Variants in ADGRL2 observed in about 807,000 individuals in gnomAD.
ADGRL2 encodes the protein adhesion G protein-coupled receptor L2.
In ADGRL2, 44 loss-of-function variants were observed where a neutral mutation model predicts 157.4. The ratio of observed to expected loss-of-function variants is 0.28; its 90% confidence interval spans 0.22 to 0.36. The LOEUF (loss-of-function observed/expected upper bound fraction) is 0.36. Ranked by LOEUF, ADGRL2 falls within the 10% of genes least tolerant of loss-of-function variation. ADGRL2 has a pLI of 1.00. For missense variants in ADGRL2, 1,510 were observed against 1,768.9 expected (o/e 0.85, Z 2.63); for synonymous variants, 585 against 624.7 (o/e 0.94, Z 0.95).
chr1:81,605,720 G>A (rs1160851444), intron 3 of ADGRL2, among the ~76,000 whole-genome samples: 1 of 152,120 alleles, frequency 6.6e-6, no homozygotes, highest in Non-Finnish European at 1.5e-5. Context: ...ACACATCAAA[G>A]GCTGATTTAC....
At chr1:81,400,365 A>G (rs1226383427) in intron 1 of ADGRL2, among the ~76,000 whole-genome samples, 2 of 152,056 alleles carry the variant, frequency 1.3e-5, no homozygotes, top group East Asian at 3.9e-4. Context: ...TGTGGCAGAG[A>G]TGAATGTAGG....
intron 2 of ADGRL2, among the ~76,000 whole-genome samples, chr1:81,462,676 GTATTT>G (rs532230729): frequency 6.6e-6 from 1 of 152,106 alleles, no homozygotes; most frequent in Non-Finnish European, 1.5e-5. Context: ...GATTTTCCAA[GTATTT>G]TATTAAGTGT....
chr1:81,664,429 A>G (rs550613360), intron 3 of ADGRL2, among the ~76,000 whole-genome samples: 2 of 152,330 alleles, frequency 1.3e-5, no homozygotes, highest in East Asian at 3.9e-4. Flanking sequence ...TAGTTTCACC[A>G]TAATAGTGTT....
intron 2 of ADGRL2, among the ~76,000 whole-genome samples, chr1:81,527,741 C>G (rs2079497659): frequency 6.6e-6 from 1 of 151,530 alleles, no homozygotes; most frequent in African/African-American, 2.4e-5. Flanking sequence ...AGGGAGCTGC[C>G]TTGTCCTTTC....
intron 3 of ADGRL2, among the ~76,000 whole-genome samples, chr1:81,582,405 T>C (rs2080934844): frequency 6.6e-6 from 1 of 152,022 alleles, no homozygotes; most frequent in Non-Finnish European, 1.5e-5. Context: ...AATTTAATAA[T>C]AAGTAAAAAG....
chr1:81,547,432 A>G (rs976000144), intron 2 of ADGRL2, among the ~76,000 whole-genome samples: 2 of 152,154 alleles, frequency 1.3e-5, no homozygotes, highest in East Asian at 1.9e-4. Context: ...GGAATTGGTG[A>G]AAACTGGAGA....
At chr1:81,776,999 A>G (rs1254302957) in intron 2 of ADGRL2, among the ~76,000 whole-genome samples, 1 of 152,212 alleles carries the variant, frequency 6.6e-6, no homozygotes, top group Admixed American at 6.5e-5. Flanking sequence ...TATTATGCAT[A>G]CTACTCTGAT....
intron 2 of ADGRL2, among the ~76,000 whole-genome samples, chr1:81,483,543 A>C (rs563861765): frequency 6.6e-6 from 1 of 152,302 alleles, no homozygotes; most frequent in African/African-American, 2.4e-5. Flanking sequence ...ACACTACATA[A>C]AACCCAAAAC....
intron 2 of ADGRL2, among the ~76,000 whole-genome samples, chr1:81,783,249 G>C (rs539999848): frequency 9.5e-4 from 144 of 152,040 alleles, no homozygotes; most frequent in Non-Finnish European, 1.5e-3. Context: ...TCAGCCTTTT[G>C]AGTAGCTGGG....
intron 3 of ADGRL2, among the ~76,000 whole-genome samples, chr1:81,590,349 C>T (rs1199413550): frequency 1.3e-5 from 2 of 152,072 alleles, no homozygotes; most frequent in African/African-American, 4.8e-5. Context: ...CTATCTTGCC[C>T]TTTCACATAG....
chr1:81,779,808 C>T (rs1230076384), intron 2 of ADGRL2, among the ~76,000 whole-genome samples: 2 of 152,124 alleles, frequency 1.3e-5, no homozygotes, highest in Admixed American at 6.5e-5. Context: ...TTTTACCTAC[C>T]GGTTTCTGTC....
intron 3 of ADGRL2, among the ~76,000 whole-genome samples, chr1:81,589,278 G>T (rs1273563318): frequency 6.6e-6 from 1 of 151,976 alleles, no homozygotes; most frequent in African/African-American, 2.4e-5. Context: ...TATCCATATG[G>T]TCCACAAAGA....
chr1:81,533,949 G>A (rs2079668299), intron 2 of ADGRL2, among the ~76,000 whole-genome samples: 1 of 151,992 alleles, frequency 6.6e-6, no homozygotes, highest in African/African-American at 2.4e-5. Context: ...GAAAGCACCT[G>A]GGCTACGTTT....
chr1:81,898,314 C>G (rs1209721946), intron 2 of ADGRL2, among the ~76,000 whole-genome samples: 1 of 152,164 alleles, frequency 6.6e-6, no homozygotes, highest in Non-Finnish European at 1.5e-5. Context: ...ACAACATTTT[C>G]TAGGCCAGTG....
intron 1 of ADGRL2, among the ~76,000 whole-genome samples, chr1:81,707,944 C>T (rs2149063148): frequency 6.6e-6 from 1 of 152,182 alleles, no homozygotes; most frequent in East Asian, 1.9e-4. Flanking sequence ...TATGAATTAT[C>T]CATGTACCAC....
intron 2 of ADGRL2, chr1:81,502,988 A>G (rs985258709): frequency 8.1e-6 from 13 of 1,613,270 alleles, no homozygotes; most frequent in South Asian, 1.1e-5. Flanking sequence ...GCTGTGCCAA[A>G]TCGTCTGGCT....
At chr1:81,460,936 C>T (rs1273911056) in intron 2 of ADGRL2, among the ~76,000 whole-genome samples, 1 of 152,158 alleles carries the variant, frequency 6.6e-6, no homozygotes, top group Admixed American at 6.5e-5. Flanking sequence ...TTAAAGGAAA[C>T]AGCAGTACTT....
chr1:81,718,068 C>T (rs12759040), intron 1 of ADGRL2, among the ~76,000 whole-genome samples: 1 of 152,034 alleles, frequency 6.6e-6, no homozygotes, highest in African/African-American at 2.4e-5. Flanking sequence ...TGGCAAGGCT[C>T]GAGTGCAGTG....
At chr1:81,838,563 C>T (rs1050977536) in intron 2 of ADGRL2, among the ~76,000 whole-genome samples, 3 of 151,990 alleles carry the variant, frequency 2.0e-5, no homozygotes, top group African/African-American at 7.2e-5. Context: ...TGTGTGTAGT[C>T]TGATGATTTT....
Sources: allele counts gnomAD v4.1 joint callset (sites outside exome capture counted in the v4.1 genomes callset), GRCh38; gene constraint gnomAD v4.1.1; transcripts MANE v1.5; gene names NCBI Gene and HGNC (gene_info 2026-07-23, HGNC 2026-07-21).